The following LARGE1 variants were observed in gnomAD, a reference collection of about 807,000 sequenced individuals.
LARGE1 encodes the protein LARGE xylosyl- and glucuronyltransferase 1, also known as xylosyl- and glucuronyltransferase LARGE1.
LARGE1 carries 43 observed loss-of-function variants against 87.6 expected under a neutral mutation model. The ratio of observed to expected loss-of-function variants is 0.49; its 90% CI spans 0.38 to 0.63. LARGE1 has a LOEUF of 0.63. Ranked by LOEUF, LARGE1 falls within the 30% of genes least tolerant of loss-of-function variation. The pLI is 0.00. For missense variants in LARGE1, 802 were observed against 1,000.2 expected, an observed-to-expected ratio of 0.80 and a Z score of 2.67; for synonymous variants, 434 against 394.6, an observed-to-expected ratio of 1.10 and a Z score of -1.18.
rs1318739180 is a variant in LARGE1, at chr22:33,812,048, T to C, written c.-82-50490A>G. Among the ~76,000 whole-genome samples, 3 of 152,332 alleles carry C rather than the reference T, an allele frequency of 2.0e-5. No homozygotes were observed. The East Asian group carries it at 5.8e-4, about 29-fold the overall frequency. ...ATGACTGAGATTTCCACCTTGGGTA[T>C]ATAACAATGCATTAAAAGGGACTAC... On this transcript the variant is annotated intron_variant, in intron 1 of 14. Transcript: ENST00000397394.
chr22:33,396,810 C>T (rs1271227850), intron 7 of LARGE1, among the ~76,000 whole-genome samples: 1 of 152,172 alleles, frequency 6.6e-6, no homozygotes, highest in African/African-American at 2.4e-5. Flanking sequence ...CACTCTTCCT[C>T]TTTATCTCAC....
intron 2 of LARGE1, among the ~76,000 whole-genome samples, chr22:33,681,722 G>A (rs1603122857): frequency 2.0e-5 from 3 of 152,326 alleles, no homozygotes; most frequent in Non-Finnish European, 1.5e-5. Context: ...CGTCTCAAAT[G>A]CAATAGTGGC....
chr22:33,245,180 G>A (rs1409897020), intron 11 of LARGE1, among the ~76,000 whole-genome samples: 1 of 152,094 alleles, frequency 6.6e-6, no homozygotes, highest in Non-Finnish European at 1.5e-5. Context: ...AAGTCAGAAG[G>A]AGCCAAATCA....
the LARGE1 span, among the ~76,000 whole-genome samples, chr22:33,128,914 A>G: frequency 6.6e-6 from 1 of 152,104 alleles, no homozygotes; most frequent in Admixed American, 6.5e-5. Context: ...ATGGATACAG[A>G]GAGGGGAACA....
rs78148531 is a variant in LARGE1 at position 33,717,361 on chromosome 22, G to T, written c.106+44010C>A. On this transcript the variant is annotated intron_variant, in intron 2 of 14. Coordinates refer to ENST00000397394, the MANE Select transcript of LARGE1 (RefSeq NM_133642.5). ...CAATCACCAACATTTTCCATCAGGG[G>T]CCTCTTTTGGAGGAGTATTTTGTGA... Among the ~76,000 whole-genome samples the T allele has an allele frequency of 6.9e-3, 1,057 of 152,326 alleles. 7 individuals carry two copies. Among genetic ancestry groups the T allele is most frequent in the Middle Eastern group, 0.014 (4 of 294 alleles).
intron 13 of LARGE1, 23 bp from the exon 14 acceptor site, chr22:33,277,278 A>G (rs1373717611): frequency 6.2e-7 from 1 of 1,612,328 alleles, no homozygotes; most frequent in East Asian, 2.2e-5. Flanking sequence ...GAGAAAAGCC[A>G]TTGGGTGTAG....
intron 7 of LARGE1, among the ~76,000 whole-genome samples, chr22:33,416,315 G>C (rs2147506987): frequency 6.6e-6 from 1 of 152,228 alleles, no homozygotes; most frequent in Middle Eastern, 3.4e-3. Context: ...CTTCCAACCT[G>C]GGCTGGGGGC....
At chr22:33,435,127 G>A (rs539789591) in intron 6 of LARGE1, among the ~76,000 whole-genome samples, 1 of 152,150 alleles carries the variant, frequency 6.6e-6, no homozygotes. Context: ...TCAGCCTCCT[G>A]AGTAGCTGGG....
chr22:33,766,692 T>C (rs2084911302), intron 1 of LARGE1, among the ~76,000 whole-genome samples: 1 of 151,716 alleles, frequency 6.6e-6, no homozygotes, highest in Non-Finnish European at 1.5e-5. Context: ...CCCAAAGTGC[T>C]GGGATTACAA....
chr22:33,383,028 A>C (rs1431427169), intron 8 of LARGE1, among the ~76,000 whole-genome samples: 1 of 152,202 alleles, frequency 6.6e-6, no homozygotes, highest in Non-Finnish European at 1.5e-5. Context: ...CTTTGCAGGC[A>C]TTCGACGAAC....
chr22:33,302,139 C>T lies in LARGE1; in HGVS notation c.1730+2090G>A, dbSNP rs558406882. On this transcript the variant is annotated intron_variant, in intron 12 of 14. Transcript: ENST00000397394. ...CTGTTCCCTTGGGAGCCTGTCATCC[C>T]GGAAGCTGCCCAAGTTTCAGAATCT... 7.4e-4 allele frequency among the ~76,000 whole-genome samples: 113 copies of T among 152,322 alleles called. 2 individuals are homozygous for T. Among genetic ancestry groups the T allele is most frequent in the African/African-American group, 2.5e-3 (104 of 41,570 alleles).
At chr22:33,817,285 A>T (rs2086682818) in intron 1 of LARGE1, among the ~76,000 whole-genome samples, 1 of 152,102 alleles carries the variant, frequency 6.6e-6, no homozygotes, top group Non-Finnish European at 1.5e-5. Context: ...GCAGGTACTG[A>T]CACCTCCACT....
intron 5 of LARGE1, among the ~76,000 whole-genome samples, chr22:33,595,537 G>T (rs1434384947): frequency 6.6e-6 from 1 of 152,176 alleles, no homozygotes; most frequent in Non-Finnish European, 1.5e-5. Context: ...TATTCCACAA[G>T]CAGGTCAGAA....
intron 5 of LARGE1, among the ~76,000 whole-genome samples, chr22:33,581,811 CAAA>C (rs130418): frequency 9.0e-5 from 7 of 77,404 alleles, no homozygotes; most frequent in Admixed American, 1.4e-4. Context: ...AACTCCGTCT[CAAA>C]AAAAAAAAAA....
chr22:33,353,500 G>C (rs1345803867), intron 9 of LARGE1, among the ~76,000 whole-genome samples: 1 of 151,658 alleles, frequency 6.6e-6, no homozygotes, highest in Non-Finnish European at 1.5e-5. Context: ...ATTGCAGGAA[G>C]AGTCAGAGAA....
At chr22:33,241,872 C>G (rs1602137678) in intron 11 of LARGE1, among the ~76,000 whole-genome samples, 2 of 152,040 alleles carry the variant, frequency 1.3e-5, no homozygotes, top group South Asian at 4.1e-4. Context: ...ATGGGGAAAG[C>G]ATAGCTGTCC....
At chr22:33,269,127 G>C (rs566645030), downstream of LARGE1, among the ~76,000 whole-genome samples, 1 of 152,124 alleles carries the variant, frequency 6.6e-6, no homozygotes, top group African/African-American at 2.4e-5. Context: ...ATTTAAAGGG[G>C]CATGGTATCT....
intron 7 of LARGE1, among the ~76,000 whole-genome samples, chr22:33,422,632 T>TCCGAGTGGTTGGGATCAC (rs2066732487): frequency 2.0e-5 from 3 of 151,910 alleles, no homozygotes; most frequent in Non-Finnish European, 4.4e-5. Context: ...GCCTCCACCT[T>TCCGAGTGGTTGGGATCAC]CCGAGTGGTT....
chr22:33,273,770 T>C lies in LARGE1; in HGVS notation c.*657A>G, dbSNP rs1256908153. 2.5e-5 allele frequency: 10 copies of C among 398,744 alleles called. No individual in the cohort carries two copies. The highest frequency in any genetic ancestry group is 1.3e-4 in the Admixed American group (3 of 22,932). The allele number at this position is 398,744 out of a possible 1,614,324, so 24.7% of individuals were successfully genotyped here. On this transcript the variant is annotated 3_prime_UTR_variant, in exon 15 of 15. Coordinates refer to ENST00000397394, the MANE Select transcript of LARGE1 (RefSeq NM_133642.5). ...GAGCCTCAAAGGATCAGATTTTCTA[T>C]TTTGGATTGCCAGCCCCAAAAATAA...
Sources: allele counts gnomAD v4.1 joint callset (sites outside exome capture counted in the v4.1 genomes callset), GRCh38; gene constraint gnomAD v4.1.1; transcripts MANE v1.5; gene names NCBI Gene and HGNC (gene_info 2026-07-23, HGNC 2026-07-21).